Variants in BAG3 observed in about 807,000 individuals in gnomAD.
The protein encoded by BAG3 is BAG family molecular chaperone regulator 3.
BAG3 carries 14 observed loss-of-function variants against 40.5 expected under a neutral mutation model. The observed-to-expected ratio is 0.35, with a 90% CI of 0.23 to 0.54. The LOEUF is 0.54. Among genes scored for constraint, BAG3 ranks in the 20% least tolerant of loss-of-function variants. The pLI is 0.91. For synonymous variants in BAG3, 302 were observed against 307.8 expected (o/e 0.98, Z 0.20); for missense variants, 788 against 758.6 (o/e 1.04, Z -0.46).
intron 1 of BAG3, among the ~76,000 whole-genome samples, chr10:119,665,130 A>G (rs140769426): frequency 0.25 from 12,676 of 50,594 alleles, 1,094 homozygotes; most frequent in South Asian, 0.31. Flanking sequence ...GTGTGTGTAT[A>G]TATATATATA....
At chr10:119,662,038 C>T (rs1046551014) in intron 1 of BAG3, among the ~76,000 whole-genome samples, 7 of 151,916 alleles carry the variant, frequency 4.6e-5, no homozygotes, top group Non-Finnish European at 1.0e-4. Flanking sequence ...TCCAGTTGCA[C>T]TTTGTTTTTT....
Position 119,676,673 on chromosome 10 carries a change from T to C in BAG3, c.1119T>C (p.Cys373=), listed in dbSNP as rs1715490122. The C allele has an allele frequency of 1.2e-6, 2 of 1,614,044 alleles. No individual in the cohort carries two copies. The highest frequency in any genetic ancestry group is 2.2e-5 in the South Asian group (2 of 91,090). The change falls in exon 4 of 4, where the codon TGT becomes TGC. Residue 373 remains cysteine (C), a synonymous_variant. Transcript: ENST00000369085. ...AAGTTCCCCCTGCTCCAGTTCCTTG[T>C]CCTCCTCCCAGCCCTGGCCCTTCTG... The part of the protein sequence containing the change: ...EVKVPPAPVP[C]PPPSPGPSAV...
chr10:119,659,586 CAG>C (rs541036873), intron 1 of BAG3, among the ~76,000 whole-genome samples: 121 of 152,310 alleles, frequency 7.9e-4, no homozygotes, highest in Non-Finnish European at 1.4e-3. Context: ...CCCCGGGACT[CAG>C]GGGTCTCACC....
chr10:119,656,378 C>CTTTTT (rs34602155), intron 1 of BAG3, among the ~76,000 whole-genome samples: 4 of 126,878 alleles, frequency 3.2e-5, no homozygotes, highest in Non-Finnish European at 3.3e-5. Context: ...AGCTGGCCTT[C>CTTTTT]TTTTTTTTTT....
chr10:119,662,042 G>GT (rs1277387080), intron 1 of BAG3, among the ~76,000 whole-genome samples: 2 of 151,850 alleles, frequency 1.3e-5, no homozygotes, highest in Non-Finnish European at 2.9e-5. Context: ...GTTGCACTTT[G>GT]TTTTTTGTTT....
rs138785335 is a variant in BAG3 at position 119,651,848 on chromosome 10, G to T, written c.173G>T (p.Gly58Val). 5.7e-6 allele frequency: 9 copies of T among 1,569,448 alleles called. No individual in the cohort carries two copies. Among genetic ancestry groups the T allele is most frequent in the Non-Finnish European group, 7.8e-6 (9 of 1,159,198 alleles). ...AACGACCCGCGCGTGCCCTCTGAGG[G>T]CCCCAAGGTGAGCCGGGCCCGCGGC... ...TWNDPRVPSE[G>V]PKETPSSANG... The change falls in exon 1 of 4, where the codon GGC becomes GTC. Residue 58 changes from glycine to valine, a missense_variant. Physicochemically the swap from Gly to Val is moderately radical, Grantham distance 109. Transcript: ENST00000369085.
intron 1 of BAG3, among the ~76,000 whole-genome samples, chr10:119,663,404 A>G (rs1417676980): frequency 6.6e-6 from 1 of 151,968 alleles, no homozygotes; most frequent in African/African-American, 2.4e-5. Context: ...GGTTCAAGCG[A>G]TTCTCGTGCA....
chr10:119,655,831 C>T (rs867095011), intron 1 of BAG3, among the ~76,000 whole-genome samples: 5 of 151,976 alleles, frequency 3.3e-5, no homozygotes, highest in African/African-American at 9.7e-5. Context: ...TCATTTGTCC[C>T]GTTTTGTAGG....
intron 1 of BAG3, among the ~76,000 whole-genome samples, chr10:119,654,116 C>T (rs1418024898): frequency 1.3e-5 from 2 of 152,240 alleles, no homozygotes; most frequent in African/African-American, 2.4e-5. Flanking sequence ...TGCTTTGACA[C>T]ACACAATATC....
chr10:119,669,273 C>T (rs1847107511), intron 1 of BAG3, among the ~76,000 whole-genome samples: 1 of 152,190 alleles, frequency 6.6e-6, no homozygotes, highest in Non-Finnish European at 1.5e-5. Context: ...CCTATGCTGC[C>T]TCTGCATCCC....
In BAG3 at chr10:119,676,067, G is replaced by A. The variant is rs563751487; in HGVS notation, c.910-397G>A. 2.7e-4 allele frequency among the ~76,000 whole-genome samples: 40 copies of A among 149,922 alleles called. 1 individual carries two copies. Among genetic ancestry groups the A allele is most frequent in the African/African-American group, 8.9e-4 (36 of 40,676 alleles). ...CAGCCTTCTGAGTAGCTGGGACTAC[G>A]AGTGCAAGCTCCCACACCTGGCTAA... On this transcript the variant is annotated intron_variant, in intron 3 of 3. Coordinates refer to ENST00000369085, the MANE Select transcript of BAG3 (RefSeq NM_004281.4).
chr10:119,655,108 G>T (rs568371051), intron 1 of BAG3, among the ~76,000 whole-genome samples: 3 of 152,350 alleles, frequency 2.0e-5, no homozygotes, highest in African/African-American at 7.2e-5. Context: ...TTTTGGGGAG[G>T]AGGAGCTGCG....
chr10:119,665,137 TA>T (rs1847045450), intron 1 of BAG3, among the ~76,000 whole-genome samples: 10 of 83,278 alleles, frequency 1.2e-4, no homozygotes, highest in African/African-American at 3.8e-4. Flanking sequence ...TATATATATA[TA>T]TATATATTTT....
chr10:119,656,243 A>G (rs149919295), intron 1 of BAG3, among the ~76,000 whole-genome samples: 209 of 152,282 alleles, frequency 1.4e-3, no homozygotes, highest in African/African-American at 4.7e-3. Context: ...ACCCTCTGGC[A>G]CTGGCGAACA....
chr10:119,669,720 G>T, intron 1 of BAG3, 131 bp from the exon 2 acceptor site: 1 of 935,390 alleles, frequency 1.1e-6, no homozygotes, highest in Non-Finnish European at 1.7e-6. Context: ...CAGGGGCTGG[G>T]AGCTGGCTGA....
rs762050746 is a variant in BAG3, at chr10:119,676,777, C to T, written c.1223C>T (p.Pro408Leu). ...ACTGCCCCTGCAGAAGCTACACCTC[C>T]AAAACCAGGAGAAGCCGAGGCTCCC... The part of the protein sequence containing the change: ...PSTAPAEATP[P>L]KPGEAEAPPK... Residue 408 changes from proline (P) to leucine (L), a missense_variant, in exon 4 of 4, where the codon CCA becomes CTA. Coordinates refer to ENST00000369085, the MANE Select transcript of BAG3 (RefSeq NM_004281.4). 6.2e-6 allele frequency: 10 copies of T among 1,614,206 alleles called. No homozygotes were observed. Among genetic ancestry groups the T allele is most frequent in the Non-Finnish European group, 8.5e-6 (10 of 1,180,056 alleles).
intron 1 of BAG3, among the ~76,000 whole-genome samples, chr10:119,653,959 G>T (rs1003034744): frequency 1.3e-5 from 2 of 152,176 alleles, no homozygotes; most frequent in Non-Finnish European, 2.9e-5. Flanking sequence ...AGGTTGCTTG[G>T]ATTTTGATGA....
intron 1 of BAG3, among the ~76,000 whole-genome samples, chr10:119,658,157 T>TA (rs1338871659): frequency 6.6e-6 from 1 of 152,224 alleles, no homozygotes; most frequent in Non-Finnish European, 1.5e-5. Context: ...TTCAGTTATT[T>TA]AAAAAATTCT....
chr10:119,659,628 T>C (rs769022636), intron 1 of BAG3, among the ~76,000 whole-genome samples: 15 of 152,230 alleles, frequency 9.9e-5, no homozygotes, highest in Admixed American at 3.3e-4. Context: ...CTTGCCTGCA[T>C]GGCAGCTGAT....
Sources: gnomAD v4.1 joint callset for allele counts (sites outside exome capture counted in the v4.1 genomes callset) on GRCh38, gnomAD v4.1.1 for gene constraint, MANE v1.5 for transcripts, NCBI Gene and HGNC (gene_info 2026-07-23, HGNC 2026-07-21) for gene names.